The following ADAMTSL1 variants were observed in gnomAD, a reference collection of about 807,000 sequenced individuals.
The protein encoded by ADAMTSL1 is ADAMTS-like protein 1.
ADAMTSL1 carries 126 observed loss-of-function variants against 201.8 expected under a neutral mutation model. The ratio of observed to expected loss-of-function variants is 0.62; its 90% CI spans 0.54 to 0.72. The LOEUF (loss-of-function observed/expected upper bound fraction) is 0.72, where lower values mean the gene tolerates loss of function less well. ADAMTSL1 is among the 30% of genes least tolerant of loss of function. The probability of loss-of-function intolerance (pLI) is 0.00; values close to 1 mark genes in which losing one functional copy is unlikely to be tolerated. For missense variants in ADAMTSL1, 2,679 were observed against 2,277.8 expected, an observed-to-expected ratio of 1.18 and a Z score of -3.59; for synonymous variants, 1,121 against 903.4, an observed-to-expected ratio of 1.24 and a Z score of -4.32.
At chr9:17,977,957 T>A (rs927040418) in intron 1 of ADAMTSL1, among the ~76,000 whole-genome samples, 2 of 152,084 alleles carry the variant, frequency 1.3e-5, no homozygotes, top group Non-Finnish European at 2.9e-5. Flanking sequence ...TTGAGTTCTG[T>A]TAATATTTGC....
chr9:18,253,808 A>C (rs1831562586), intron 2 of ADAMTSL1, among the ~76,000 whole-genome samples: 1 of 152,108 alleles, frequency 6.6e-6, no homozygotes. Context: ...TAACAATTCC[A>C]CTAGAATCTT....
At chr9:17,988,688 C>G (rs76950402) in intron 1 of ADAMTSL1, among the ~76,000 whole-genome samples, 1 of 151,804 alleles carries the variant, frequency 6.6e-6, no homozygotes, top group African/African-American at 2.4e-5. Context: ...GATTTAACTT[C>G]TCCTCTGCTG....
chr9:18,901,249 A>G (rs1210465146), intron 26 of ADAMTSL1, among the ~76,000 whole-genome samples: 1 of 152,226 alleles, frequency 6.6e-6, no homozygotes, highest in Non-Finnish European at 1.5e-5. Flanking sequence ...AAGTTATGAC[A>G]TTCCAGGGAG....
At chr9:18,031,188 C>A (rs371978999) in intron 1 of ADAMTSL1, among the ~76,000 whole-genome samples, 2 of 152,092 alleles carry the variant, frequency 1.3e-5, no homozygotes, top group African/African-American at 4.8e-5. Context: ...AGGGAATTAC[C>A]GCAATCCTTT....
rs140590886 is a variant in ADAMTSL1, at chr9:18,855,522, A to G, written c.4249+25545A>G. Among the ~76,000 whole-genome samples, 192 of 152,322 alleles carry G rather than the reference A, an allele frequency of 1.3e-3. 2 individuals are homozygous for G. The Middle Eastern group carries it at 0.027, about 22-fold the overall frequency. On this transcript the variant is annotated intron_variant, in intron 23 of 28. Transcript: ENST00000380548. ...GCCAAAGGAGAAAATGATGATAACA[A>G]TAATTGTATTCGTGTTCTAGAAACA...
At chr9:18,823,730 T>C (rs1229044133) in intron 21 of ADAMTSL1, among the ~76,000 whole-genome samples, 1 of 152,222 alleles carries the variant, frequency 6.6e-6, no homozygotes, top group African/African-American at 2.4e-5. Flanking sequence ...GGCTCGTGCC[T>C]GTAATCCCAA....
chr9:18,551,413 G>A (rs1198121909), intron 3 of ADAMTSL1, among the ~76,000 whole-genome samples: 1 of 151,642 alleles, frequency 6.6e-6, no homozygotes, highest in African/African-American at 2.4e-5. Flanking sequence ...ATTGGGACAT[G>A]TTTCTTCTTT....
At chr9:18,792,622 T>C (rs1822131078) in intron 19 of ADAMTSL1, among the ~76,000 whole-genome samples, 1 of 152,250 alleles carries the variant, frequency 6.6e-6, no homozygotes, top group Non-Finnish European at 1.5e-5. Flanking sequence ...GAAACTTGAC[T>C]AAGCCTGCTT....
At chr9:18,305,883 G>A (rs1833889625) in intron 2 of ADAMTSL1, among the ~76,000 whole-genome samples, 1 of 151,920 alleles carries the variant, frequency 6.6e-6, no homozygotes, top group Non-Finnish European at 1.5e-5. Flanking sequence ...CTCCTCAAGT[G>A]GGTCCCTGAC....
intron 1 of ADAMTSL1, among the ~76,000 whole-genome samples, chr9:18,021,356 T>G (rs1277637416): frequency 1.3e-5 from 2 of 152,194 alleles, no homozygotes; most frequent in Non-Finnish European, 2.9e-5. Flanking sequence ...GAAAAACTCC[T>G]TAACAGAATA....
At chr9:18,302,106 A>G (rs888136535) in intron 2 of ADAMTSL1, among the ~76,000 whole-genome samples, 4 of 152,048 alleles carry the variant, frequency 2.6e-5, no homozygotes, top group African/African-American at 9.7e-5. Context: ...AAAAGGCCCT[A>G]TATTATGTGA....
At chr9:18,193,352 G>T (rs1829046889) in intron 2 of ADAMTSL1, among the ~76,000 whole-genome samples, 1 of 152,096 alleles carries the variant, frequency 6.6e-6, no homozygotes, top group Non-Finnish European at 1.5e-5. Context: ...ACAGTGGGAG[G>T]ACATGATAAC....
chr9:17,982,410 C>T lies in ADAMTSL1; in HGVS notation c.87+75488C>T, dbSNP rs138610673. Among the ~76,000 whole-genome samples the T allele has an allele frequency of 7.2e-3, 1,090 of 152,062 alleles. 14 individuals carry two copies. Among genetic ancestry groups the T allele is most frequent in the African/African-American group, 0.022 (921 of 41,462 alleles). ...TGGGTGGATCACGAAGTAAGGAGTTCGAGACCAGGCTGGCCAACATGGTGA... is the reference window on the plus strand; with the variant it reads ...TGGGTGGATCACGAAGTAAGGAGTTTGAGACCAGGCTGGCCAACATGGTGA... On this transcript the variant is annotated intron_variant, in intron 1 of 29. Coordinates refer to the ADAMTSL1 transcript ENST00000680146.
intron 20 of ADAMTSL1, among the ~76,000 whole-genome samples, chr9:18,806,095 A>G (rs7870115): frequency 0.55 from 83,078 of 152,096 alleles, 23,020 homozygotes; most frequent in East Asian, 0.7. Flanking sequence ...TACAATGTTA[A>G]AGGAATGGAA....
At chr9:18,326,844 A>C (rs1427515363) in intron 2 of ADAMTSL1, among the ~76,000 whole-genome samples, 1 of 152,244 alleles carries the variant, frequency 6.6e-6, no homozygotes, top group Non-Finnish European at 1.5e-5. Flanking sequence ...AATGTCTCTA[A>C]TATAAGGCTA....
chr9:18,486,240 G>T (rs1460610635), intron 1 of ADAMTSL1, among the ~76,000 whole-genome samples: 1 of 152,120 alleles, frequency 6.6e-6, no homozygotes, highest in Non-Finnish European at 1.5e-5. Context: ...AATTATTGAA[G>T]GTATTCGGGA....
intron 2 of ADAMTSL1, among the ~76,000 whole-genome samples, chr9:18,187,167 C>G (rs944346614): frequency 1.3e-5 from 2 of 152,138 alleles, no homozygotes; most frequent in South Asian, 4.1e-4. Context: ...TAACTAACTT[C>G]TCTCTGTTGA....
Position 18,718,085 on chromosome 9 carries a change from G to T in ADAMTSL1, c.1877-3451G>T, listed in dbSNP as rs1439314195. Reference sequence around the variant, plus strand: ...CTCATTAACATTTATTTTGAATTTTGTAGAAGAATCTAAGAATGCACAGTT... The same window carrying T: ...CTCATTAACATTTATTTTGAATTTTTTAGAAGAATCTAAGAATGCACAGTT... On this transcript the variant is annotated intron_variant, in intron 14 of 28. Transcript: ENST00000380548. 3.5e-6 allele frequency: 5 copies of T among 1,432,122 alleles called. No individual in the cohort carries two copies. In the East Asian group the frequency reaches 1.1e-4, roughly 33 times the overall value. The allele number at this position is 1,432,122 out of a possible 1,614,324, so 88.7% of individuals were successfully genotyped here.
intron 23 of ADAMTSL1, among the ~76,000 whole-genome samples, chr9:18,873,547 G>C (rs1009875941): frequency 2.2e-4 from 33 of 152,204 alleles, no homozygotes; most frequent in African/African-American, 7.9e-4. Context: ...ACCTTTTATT[G>C]AATAGGGTGT....
Sources: allele counts gnomAD v4.1 joint callset (sites outside exome capture counted in the v4.1 genomes callset), GRCh38; gene constraint gnomAD v4.1.1; transcripts MANE v1.5; gene names NCBI Gene and HGNC (gene_info 2026-07-23, HGNC 2026-07-21).